Variants in HSF5 observed in about 807,000 individuals in gnomAD.
The protein encoded by HSF5 is heat shock transcription factor 5.
A neutral mutation model predicts 50.8 loss-of-function variants in HSF5; 5 were observed. The observed-to-expected ratio is 0.10, with a 90% CI of 0.05 to 0.21. HSF5 has a LOEUF of 0.21. HSF5 is among the 10% of genes least tolerant of loss of function. HSF5 has a pLI of 1.00. For synonymous variants in HSF5, 307 were observed against 307.4 expected, an observed-to-expected ratio of 1.00 and a Z score of 0.02; for missense variants, 564 against 762.6, an observed-to-expected ratio of 0.74 and a Z score of 3.07.
At chr17:58,423,520 C>A (rs1038627926) in intron 5 of HSF5, among the ~76,000 whole-genome samples, 2 of 133,450 alleles carry the variant, frequency 1.5e-5, no homozygotes, top group African/African-American at 5.6e-5. Flanking sequence ...CAGAGTCTCA[C>A]ACTGTCACCC....
chr17:58,467,442 T>G (rs1306147895), intron 2 of HSF5, among the ~76,000 whole-genome samples: 1 of 152,182 alleles, frequency 6.6e-6, no homozygotes. Flanking sequence ...CCAGTAGAAA[T>G]GTACACAAAA....
chr17:58,425,736 T>C (rs916784002), intron 5 of HSF5, among the ~76,000 whole-genome samples: 3 of 152,182 alleles, frequency 2.0e-5, no homozygotes, highest in Admixed American at 6.5e-5. Flanking sequence ...GCTAAATGCA[T>C]TGTGTCAAGG....
chr17:58,476,555 G>A, intron 2 of HSF5: 1 of 1,451,672 alleles, frequency 6.9e-7, no homozygotes. Context: ...TCAAGGTAAG[G>A]ATTTTGATCA....
chr17:58,460,466 T>C (rs1342509387), intron 4 of HSF5, among the ~76,000 whole-genome samples: 2 of 126,244 alleles, frequency 1.6e-5, no homozygotes, highest in Non-Finnish European at 3.2e-5. Flanking sequence ...CACAGCTTTA[T>C]ATACATATAT....
At chr17:58,432,093 T>A (rs1032718685) in intron 5 of HSF5, among the ~76,000 whole-genome samples, 2 of 152,160 alleles carry the variant, frequency 1.3e-5, no homozygotes, top group Non-Finnish European at 2.9e-5. Context: ...TTTATCACAA[T>A]TTTTTAAAAG....
intron 1 of HSF5, among the ~76,000 whole-genome samples, chr17:58,485,113 C>A (rs1467766217): frequency 6.6e-6 from 1 of 151,848 alleles, no homozygotes; most frequent in Non-Finnish European, 1.5e-5. Context: ...CGCCACCACG[C>A]CCAGCTAATT....
intron 5 of HSF5, among the ~76,000 whole-genome samples, chr17:58,450,314 G>C (rs1974619231): frequency 7.5e-6 from 1 of 133,712 alleles, no homozygotes; most frequent in African/African-American, 2.8e-5. Flanking sequence ...ACTCCAGCCT[G>C]GGTGAGAGAG....
intron 5 of HSF5, among the ~76,000 whole-genome samples, chr17:58,443,989 A>T (rs1337865473): frequency 6.6e-6 from 1 of 152,242 alleles, no homozygotes; most frequent in Non-Finnish European, 1.5e-5. Context: ...CATTTACAAT[A>T]GCATCAAAGA....
chr17:58,470,695 AG>A (rs1974931550), intron 2 of HSF5, among the ~76,000 whole-genome samples: 1 of 152,212 alleles, frequency 6.6e-6, no homozygotes, highest in Admixed American at 6.5e-5. Flanking sequence ...TGGGAGGCCA[AG>A]GCAGGCGGAT....
At position 58,480,015 on chromosome 17, in the gene HSF5, G is replaced by A. The variant is rs1975075559; in HGVS notation, c.803C>T (p.Thr268Ile). 2 of 1,614,150 alleles carry A rather than the reference G, an allele frequency of 1.2e-6. No homozygotes were observed. The highest frequency in any genetic ancestry group is 3.3e-5 in the Admixed American group (2 of 60,014). ...LQRFPTEVTY[T>I]LQPSTTSVHV... ...TACAGATGTGGTGCTGGGCTGCAGTGTATAGGTAACCTCAGTTGGAAACCT... is the reference window on the plus strand; with the variant it reads ...TACAGATGTGGTGCTGGGCTGCAGTATATAGGTAACCTCAGTTGGAAACCT... The change falls in exon 2 of 6, where the codon ACA (threonine) becomes ATA (isoleucine). Residue 268 changes from threonine to isoleucine, a missense_variant. Physicochemically the swap from Thr to Ile is moderately conservative, Grantham distance 89. Transcript: ENST00000323777.
intron 2 of HSF5, among the ~76,000 whole-genome samples, chr17:58,475,826 TTTTC>T (rs1975004551): frequency 6.6e-6 from 1 of 152,102 alleles, no homozygotes; most frequent in African/African-American, 2.4e-5. Flanking sequence ...GGGAGGAAGT[TTTTC>T]TTTTTTTCCA....
Position 58,466,952 on chromosome 17 carries a change from T to A in HSF5, c.953A>T (p.His318Leu). 1.2e-6 allele frequency: 2 copies of A among 1,611,280 alleles called. No individual in the cohort carries two copies. Among genetic ancestry groups the A allele is most frequent in the Non-Finnish European group, 1.7e-6 (2 of 1,177,480 alleles). Residue 318 changes from histidine to leucine, a missense_variant, in exon 3 of 6, where the codon CAC becomes CTC. His to Leu is a moderately conservative substitution (Grantham distance 99, BLOSUM62 -3). Transcript: ENST00000323777. Reference protein sequence around the residue: ...TAVLQCCSPTHMDALSSCVTP... With the variant: ...TAVLQCCSPTLMDALSSCVTP... ...GACACAACTACTTAGAGCATCCATG[T>A]GGGTAGGAGAACAGCACTGTAGCAC...
intron 5 of HSF5, among the ~76,000 whole-genome samples, chr17:58,436,188 T>C (rs1305147876): frequency 6.6e-6 from 1 of 152,154 alleles, no homozygotes; most frequent in Non-Finnish European, 1.5e-5. Context: ...GAGCAGTATA[T>C]TAATCTCACA....
At position 58,446,610 on chromosome 17, in the gene HSF5, C is replaced by G. The variant is rs1193018168; in HGVS notation, c.1720+12158G>C. 2.0e-5 allele frequency among the ~76,000 whole-genome samples: 3 copies of G among 152,192 alleles called. No homozygotes were observed. The East Asian group carries it at 5.8e-4, about 29-fold the overall frequency. On this transcript the variant is annotated intron_variant, in intron 5 of 5. Coordinates refer to ENST00000323777, the MANE Select transcript of HSF5 (RefSeq NM_001080439.3). ...GGAAGAAACTGAGTCTTGGCCTGAT[C>G]CACTGTGGGCTGACTAAAGTGGCCT... is the stretch of plus-strand genomic sequence containing the variant.
chr17:58,487,260 A>G (rs1281448740), intron 1 of HSF5, among the ~76,000 whole-genome samples: 1 of 152,176 alleles, frequency 6.6e-6, no homozygotes, highest in Non-Finnish European at 1.5e-5. Flanking sequence ...CTTAACCCGT[A>G]GGGTGACTCC....
At chr17:58,448,133 CAAAAAAAA>C (rs33943640) in intron 5 of HSF5, among the ~76,000 whole-genome samples, 1 of 82,040 alleles carries the variant, frequency 1.2e-5, no homozygotes, top group Non-Finnish European at 2.3e-5. Flanking sequence ...GAACCTGTCT[CAAAAAAAA>C]AAAAAAAAAA....
At chr17:58,467,978 C>T (rs1974891237) in intron 2 of HSF5, among the ~76,000 whole-genome samples, 1 of 152,186 alleles carries the variant, frequency 6.6e-6, no homozygotes, top group Admixed American at 6.5e-5. Flanking sequence ...GTAGTAAATG[C>T]TTTACATACA....
chr17:58,480,762 G>GCTATCTATCTAT (rs59278255), intron 1 of HSF5, among the ~76,000 whole-genome samples: 28,767 of 146,300 alleles, frequency 0.2, 2,961 homozygotes, highest in East Asian at 0.26. Flanking sequence ...AACGCTCTTT[G>GCTATCTATCTAT]CTATCTATCT....
intron 2 of HSF5, chr17:58,476,613 C>T: frequency 6.5e-7 from 1 of 1,539,610 alleles, no homozygotes; most frequent in Non-Finnish European, 9.0e-7. Flanking sequence ...CGAATTCTGT[C>T]ACTTCAACTC....
Sources: allele counts gnomAD v4.1 joint callset (sites outside exome capture counted in the v4.1 genomes callset), GRCh38; gene constraint gnomAD v4.1.1; transcripts MANE v1.5; gene names NCBI Gene and HGNC (gene_info 2026-07-23, HGNC 2026-07-21).